LRMDA: variants seen among roughly 807,000 people sequenced by gnomAD.
LRMDA encodes the protein leucine-rich melanocyte differentiation-associated protein.
Under a neutral mutation model 29.8 loss-of-function variants are expected in LRMDA, and 18 were observed. That is an observed-to-expected ratio of 0.60 (90% CI 0.42 to 0.90). The LOEUF (loss-of-function observed/expected upper bound fraction) is 0.90, where lower values mean the gene tolerates loss of function less well. Among genes scored for constraint, LRMDA ranks in the 40% least tolerant of loss-of-function variants. The probability of loss-of-function intolerance (pLI) is 0.00; values close to 1 mark genes in which losing one functional copy is unlikely to be tolerated. For missense variants in LRMDA, 273 were observed against 273.9 expected, an observed-to-expected ratio of 1.00 and a Z score of 0.02; for synonymous variants, 125 against 109.4, an observed-to-expected ratio of 1.14 and a Z score of -0.89.
chr10:75,740,909 T>A (rs891624705), intron 2 of LRMDA, among the ~76,000 whole-genome samples: 1 of 152,142 alleles, frequency 6.6e-6, no homozygotes, highest in African/African-American at 2.4e-5. Context: ...TAGAAGCCTG[T>A]CATTCATATA....
In LRMDA at chr10:76,327,141, G is replaced by A. The variant is rs191167552; in HGVS notation, c.601+2656G>A. 3.9e-3 allele frequency among the ~76,000 whole-genome samples: 580 copies of A among 148,230 alleles called. 3 individuals are homozygous for A. Among genetic ancestry groups the A allele is most frequent in the African/African-American group, 0.014 (560 of 39,328 alleles). On this transcript the variant is annotated intron_variant, in intron 6 of 6. Coordinates refer to ENST00000611255, the MANE Select transcript of LRMDA (RefSeq NM_001305581.2). ...GAGCCTCACCCTGTCACCCAGGCTGGAGTGCAATGGCACAATCTTAGCTCA... is the reference window on the plus strand; with the variant it reads ...GAGCCTCACCCTGTCACCCAGGCTGAAGTGCAATGGCACAATCTTAGCTCA...
chr10:75,632,408 T>C (rs1050387499), intron 2 of LRMDA, among the ~76,000 whole-genome samples: 2 of 152,218 alleles, frequency 1.3e-5, no homozygotes, highest in African/African-American at 4.8e-5. Context: ...GTGTTATCTC[T>C]TTTTTCTTTT....
intron 2 of LRMDA, among the ~76,000 whole-genome samples, chr10:75,536,468 G>T (rs1432924286): frequency 6.6e-6 from 1 of 152,048 alleles, no homozygotes; most frequent in Non-Finnish European, 1.5e-5. Flanking sequence ...CTCTACTGAG[G>T]TATGCTCTTC....
At chr10:75,582,827 T>C (rs1840611319) in intron 2 of LRMDA, among the ~76,000 whole-genome samples, 1 of 152,224 alleles carries the variant, frequency 6.6e-6, no homozygotes, top group Non-Finnish European at 1.5e-5. Context: ...TGCTCGTGCA[T>C]ATAAGCATAG....
At chr10:76,025,869 G>T (rs1049784214) in intron 2 of LRMDA, among the ~76,000 whole-genome samples, 1 of 152,164 alleles carries the variant, frequency 6.6e-6, no homozygotes, top group Non-Finnish European at 1.5e-5. Flanking sequence ...CTGCTTCCCT[G>T]TCTATACCTA....
intron 2 of LRMDA, among the ~76,000 whole-genome samples, chr10:75,755,971 T>C (rs1843027427): frequency 6.6e-6 from 1 of 152,178 alleles, no homozygotes; most frequent in African/African-American, 2.4e-5. Context: ...GGAGAATGGA[T>C]TGTAGAGGAG....
chr10:76,259,687 T>C (rs1219596876), intron 5 of LRMDA, among the ~76,000 whole-genome samples: 3 of 152,116 alleles, frequency 2.0e-5, no homozygotes, highest in South Asian at 4.1e-4. Context: ...TACTATTGTA[T>C]TGGGGTCTAT....
At chr10:76,036,358 T>C (rs974750362) in intron 3 of LRMDA, among the ~76,000 whole-genome samples, 1 of 152,246 alleles carries the variant, frequency 6.6e-6, no homozygotes, top group African/African-American at 2.4e-5. Flanking sequence ...AAACGCACCA[T>C]TATATCTTCC....
chr10:75,972,691 C>T (rs1846997784), intron 2 of LRMDA, among the ~76,000 whole-genome samples: 1 of 152,124 alleles, frequency 6.6e-6, no homozygotes. Context: ...TTCTGATGGG[C>T]CTGAGGGATG....
intron 2 of LRMDA, among the ~76,000 whole-genome samples, chr10:75,551,980 AT>A (rs1327696858): frequency 6.6e-6 from 1 of 152,012 alleles, no homozygotes; most frequent in African/African-American, 2.4e-5. Flanking sequence ...GAGGTCAAGG[AT>A]TCAGTGAGCT....
intron 2 of LRMDA, among the ~76,000 whole-genome samples, chr10:75,653,240 GCTTT>G: frequency 6.6e-6 from 1 of 152,278 alleles, no homozygotes; most frequent in East Asian, 1.9e-4. Flanking sequence ...TAGTGTTCAG[GCTTT>G]CTTTTAAGCT....
intron 2 of LRMDA, among the ~76,000 whole-genome samples, chr10:75,756,823 G>T (rs763234286): frequency 7.2e-5 from 11 of 152,158 alleles, no homozygotes; most frequent in Non-Finnish European, 1.0e-4. Context: ...TCCAACTTTG[G>T]TTCAAATGAT....
chr10:76,240,448 C>A (rs1247496), intron 5 of LRMDA, among the ~76,000 whole-genome samples: 88,274 of 147,504 alleles, frequency 0.6, 26,333 homozygotes, highest in Middle Eastern at 0.66. Context: ...ATAATATATA[C>A]ATGTTATATA....
intron 5 of LRMDA, among the ~76,000 whole-genome samples, chr10:76,122,731 T>C (rs918871294): frequency 6.6e-6 from 1 of 152,164 alleles, no homozygotes; most frequent in African/African-American, 2.4e-5. Context: ...AAATGAGGGA[T>C]GGAGATGAAC....
intron 6 of LRMDA, among the ~76,000 whole-genome samples, chr10:76,338,893 G>T (rs769932512): frequency 6.6e-6 from 1 of 152,118 alleles, no homozygotes; most frequent in Non-Finnish European, 1.5e-5. Context: ...GGGTTATTTT[G>T]TATAACTATG....
At chr10:76,097,330 A>G (rs1430963537) in intron 5 of LRMDA, among the ~76,000 whole-genome samples, 1 of 152,164 alleles carries the variant, frequency 6.6e-6, no homozygotes, top group Non-Finnish European at 1.5e-5. Flanking sequence ...TTTTAAATAG[A>G]GACAGTTTTA....
At chr10:75,619,888 G>A (rs570251150) in intron 2 of LRMDA, among the ~76,000 whole-genome samples, 14 of 152,282 alleles carry the variant, frequency 9.2e-5, no homozygotes, top group Middle Eastern at 3.4e-3. Context: ...TGTAAATGTA[G>A]CAGTGTATGT....
intron 6 of LRMDA, chr10:76,396,656 C>T (rs1162645040): frequency 6.6e-6 from 1 of 152,144 alleles, no homozygotes; most frequent in Non-Finnish European, 1.5e-5. Flanking sequence ...CTCCTCTCCG[C>T]ACCACTAGAA....
At chr10:75,685,654 AAG>A (rs1842072708) in intron 2 of LRMDA, among the ~76,000 whole-genome samples, 2 of 152,364 alleles carry the variant, frequency 1.3e-5, no homozygotes, top group African/African-American at 4.8e-5. Context: ...CCAGGGGACA[AAG>A]AGATACATAA....
Sources: gnomAD v4.1 joint callset for allele counts (sites outside exome capture counted in the v4.1 genomes callset) on GRCh38, gnomAD v4.1.1 for gene constraint, MANE v1.5 for transcripts, NCBI Gene and HGNC (gene_info 2026-07-23, HGNC 2026-07-21) for gene names.